ACACB: variants seen among roughly 807,000 people sequenced by gnomAD.
ACACB encodes the protein acetyl-CoA carboxylase beta.
A neutral mutation model predicts 278.8 loss-of-function variants in ACACB; 209 were observed. The observed-to-expected ratio is 0.75, with a 90% CI of 0.67 to 0.84. ACACB has a LOEUF of 0.84. Ranked by LOEUF, ACACB falls within the 40% of genes least tolerant of loss-of-function variation. The pLI is 0.00. For missense variants in ACACB, 2,850 were observed against 3,269.0 expected (o/e 0.87, Z 3.13); for synonymous variants, 1,174 against 1,285.6 (o/e 0.91, Z 1.86).
At chr12:109,164,073 A>C (rs528689281) in intron 2 of ACACB, among the ~76,000 whole-genome samples, 4 of 152,340 alleles carry the variant, frequency 2.6e-5, no homozygotes, top group African/African-American at 9.6e-5. Context: ...GTGAAATCAT[A>C]GAGTTCTGGG....
In ACACB at chr12:109,188,024, T is replaced by C; in HGVS notation, c.2006T>C (p.Val669Ala). 1 of 1,612,524 alleles carries C rather than the reference T, an allele frequency of 6.2e-7. No individual in the cohort carries two copies. Among genetic ancestry groups the C allele is most frequent in the South Asian group, 1.1e-5 (1 of 91,036 alleles). Residue 669 changes from valine to alanine, a missense_variant, in exon 13 of 53, where the codon GTC (valine) becomes GCC (alanine). Coordinates refer to ENST00000338432, the MANE Select transcript of ACACB (RefSeq NM_001093.4). ...GGTTTTAAGCCGAGCTCCGGGACTG[T>C]CCAGGAACTGAATTTCCGGAGCAGC... Reference protein sequence around the residue: ...DEGFKPSSGTVQELNFRSSKN... With the variant: ...DEGFKPSSGTAQELNFRSSKN...
In ACACB at chr12:109,260,800, C is replaced by T. The variant is rs2047358455; in HGVS notation, c.6674+143C>T. The T allele has an allele frequency of 8.8e-6, 8 of 905,252 alleles. No homozygotes were observed. The South Asian group carries it at 2.5e-4, about 29-fold the overall frequency. 56.1% of individuals were successfully genotyped at this position (905,252 alleles called of 1,614,324 possible). On this transcript the variant is annotated intron_variant, in intron 48 of 52. Transcript: ENST00000338432. ...ATGTTGTCTCTTCTTTCATGGTTTCCACTTCCCCTTCCCAAGGAAGTTTGC... is the reference window on the plus strand; with the variant it reads ...ATGTTGTCTCTTCTTTCATGGTTTCTACTTCCCCTTCCCAAGGAAGTTTGC...
chr12:109,128,619 G>T (rs569268047), intron 1 of ACACB, among the ~76,000 whole-genome samples: 2 of 152,100 alleles, frequency 1.3e-5, no homozygotes, highest in South Asian at 4.1e-4. Flanking sequence ...GATTACGGGC[G>T]TGAGCCACTG....
intron 48 of ACACB, among the ~76,000 whole-genome samples, chr12:109,262,070 G>A (rs551609236): frequency 5.7e-4 from 87 of 152,116 alleles, no homozygotes; most frequent in African/African-American, 1.9e-3. Context: ...GGGTTATGCT[G>A]CCATGGAAAA....
At chr12:109,235,291 G>A in intron 31 of ACACB, 22 bp from the exon 32 acceptor site, 3 of 1,607,570 alleles carry the variant, frequency 1.9e-6, no homozygotes, top group East Asian at 2.2e-5. Context: ...ATATTCCATT[G>A]TGTCTTTGGT....
chr12:109,216,784 TG>T lies in ACACB; in HGVS notation c.3440-11del, dbSNP rs2046014013. On this transcript the variant is annotated splice_polypyrimidine_tract_variant and intron_variant, in intron 23 of 52. Transcript: ENST00000338432. Reference sequence around the variant, plus strand: ...TGAGCTTTACCTCTGTGTGGTGTTTTGTCTCCCCCAGCCCACTACGACAAGT... The same window carrying T: ...TGAGCTTTACCTCTGTGTGGTGTTTTTCTCCCCCAGCCCACTACGACAAGT... 1.2e-6 allele frequency: 2 copies of T among 1,614,108 alleles called. No homozygotes were observed. The highest frequency in any genetic ancestry group is 1.7e-6 in the Non-Finnish European group (2 of 1,179,988).
intron 15 of ACACB, among the ~76,000 whole-genome samples, chr12:109,193,374 C>A (rs560733614): frequency 6.6e-6 from 1 of 152,062 alleles, no homozygotes; most frequent in East Asian, 1.9e-4. Flanking sequence ...CATGCCACCA[C>A]GCCCGGCTAA....
At chr12:109,222,460 C>A in intron 24 of ACACB, 47 bp from the exon 25 acceptor site, 1 of 1,569,094 alleles carries the variant, frequency 6.4e-7, no homozygotes, top group Non-Finnish European at 8.8e-7. Context: ...CTGCATGTTT[C>A]CCTGGGCTGG....
At chr12:109,176,762 G>A (rs1189569843) in intron 9 of ACACB, among the ~76,000 whole-genome samples, 3 of 152,100 alleles carry the variant, frequency 2.0e-5, no homozygotes, top group Non-Finnish European at 4.4e-5. Context: ...GATTACAGGC[G>A]TGTGCCACCA....
chr12:109,265,311 G>T, intron 51 of ACACB, 31 bp downstream of exon 51: 1 of 1,611,416 alleles, frequency 6.2e-7, no homozygotes. Context: ...AGGCCGGTGA[G>T]CACAGGGGGT....
intron 19 of ACACB, among the ~76,000 whole-genome samples, chr12:109,203,488 C>T (rs1406099248): frequency 6.6e-6 from 1 of 152,240 alleles, no homozygotes; most frequent in African/African-American, 2.4e-5. Flanking sequence ...CACTGATTGT[C>T]TTGTTGCTTT....
chr12:109,147,975 C>T (rs79402147), intron 2 of ACACB, among the ~76,000 whole-genome samples: 188 of 152,222 alleles, frequency 1.2e-3, no homozygotes, highest in Non-Finnish European at 2.1e-3. Flanking sequence ...TGGGGTGAAA[C>T]TCCAATTTTA....
At chr12:109,206,648 C>T (rs2045524423) in intron 19 of ACACB, 62 bp from the exon 20 acceptor site, 12 of 1,599,680 alleles carry the variant, frequency 7.5e-6, no homozygotes, top group Non-Finnish European at 1.0e-5. Context: ...TCCCGTTCTG[C>T]CCGGTCCCAT....
In ACACB at chr12:109,222,534, C is replaced by T. The variant is rs368193601; in HGVS notation, c.3592C>T (p.Leu1198=). 6.2e-7 allele frequency: 1 copy of T among 1,614,078 alleles called. No individual in the cohort carries two copies. The highest frequency in any genetic ancestry group is 8.5e-7 in the Non-Finnish European group (1 of 1,180,044). Residue 1198 remains leucine, a synonymous_variant, in exon 25 of 53, where the codon CTG becomes TTG. Coordinates refer to ENST00000338432, the MANE Select transcript of ACACB (RefSeq NM_001093.4). ...TGAGCTGTGTGGCCCAGACCCTTCC[C>T]TGTCGGACGAGCTGATCTCCATCCT... ...IDELCGPDPS[L]SDELISILNE... is the part of the protein sequence containing the mutation.
At chr12:109,253,799 C>T (rs1265623481) in intron 43 of ACACB, among the ~76,000 whole-genome samples, 1 of 152,148 alleles carries the variant, frequency 6.6e-6, no homozygotes, top group African/African-American at 2.4e-5. Context: ...GCCAAGAACC[C>T]CAAGTCACAA....
chr12:109,122,040 C>T (rs116063348), intron 1 of ACACB, among the ~76,000 whole-genome samples: 3,453 of 152,164 alleles, frequency 0.023, 142 homozygotes, highest in African/African-American at 0.079. Flanking sequence ...GAAGTGGGGG[C>T]AGGGAAGGGA....
At chr12:109,135,879 G>A (rs1055533480) in intron 1 of ACACB, among the ~76,000 whole-genome samples, 4 of 146,972 alleles carry the variant, frequency 2.7e-5, no homozygotes, top group Non-Finnish European at 5.9e-5. Context: ...GTGCGATCTC[G>A]GCTCACTGCA....
intron 2 of ACACB, among the ~76,000 whole-genome samples, chr12:109,163,373 G>A (rs904483179): frequency 6.6e-6 from 1 of 152,150 alleles, no homozygotes; most frequent in Non-Finnish European, 1.5e-5. Context: ...GCACTCATAG[G>A]AAGAGGATGC....
chr12:109,244,827 G>T (rs1265936094), intron 37 of ACACB, among the ~76,000 whole-genome samples: 1 of 151,930 alleles, frequency 6.6e-6, no homozygotes, highest in Admixed American at 6.6e-5. Context: ...TCTATCTATC[G>T]AGAGAATGGA....
Sources: gnomAD v4.1 joint callset for allele counts (sites outside exome capture counted in the v4.1 genomes callset) on GRCh38, gnomAD v4.1.1 for gene constraint, MANE v1.5 for transcripts, NCBI Gene and HGNC (gene_info 2026-07-23, HGNC 2026-07-21) for gene names.